The following ARHGAP39 variants were observed in gnomAD, a reference collection of about 807,000 sequenced individuals.
ARHGAP39 encodes rho GTPase-activating protein 39.
A neutral mutation model predicts 106.9 loss-of-function variants in ARHGAP39; 44 were observed. That is an observed-to-expected ratio of 0.41 (90% confidence interval 0.32 to 0.53). ARHGAP39 has a LOEUF of 0.53. Among genes scored for constraint, ARHGAP39 ranks in the 20% least tolerant of loss-of-function variants. The pLI is 0.21. For missense variants in ARHGAP39, 1,496 were observed against 1,577.3 expected, an observed-to-expected ratio of 0.95 and a Z score of 0.87; for synonymous variants, 768 against 693.2, an observed-to-expected ratio of 1.11 and a Z score of -1.69.
chr8:144,602,879 T>C (rs1820099719), intron 2 of ARHGAP39, among the ~76,000 whole-genome samples: 1 of 115,164 alleles, frequency 8.7e-6, no homozygotes, highest in Admixed American at 9.9e-5. Flanking sequence ...TGCATGTGTG[T>C]GGTGTGTGTG....
intron 1 of ARHGAP39, among the ~76,000 whole-genome samples, chr8:144,607,447 G>A (rs1820334813): frequency 1.3e-5 from 2 of 152,114 alleles, no homozygotes; most frequent in Admixed American, 6.6e-5. Context: ...GCTTATAGAA[G>A]CCACAGGGCC....
intron 3 of ARHGAP39, among the ~76,000 whole-genome samples, chr8:144,566,218 G>T (rs1402804951): frequency 6.6e-6 from 1 of 152,106 alleles, no homozygotes; most frequent in Non-Finnish European, 1.5e-5. Context: ...CGAAGAAAAT[G>T]ACATAAACCC....
At chr8:144,553,009 C>T (rs909532476) in intron 4 of ARHGAP39, among the ~76,000 whole-genome samples, 1 of 152,208 alleles carries the variant, frequency 6.6e-6, no homozygotes, top group African/African-American at 2.4e-5. Context: ...CTGCTCTCAG[C>T]CCCTGTGGGG....
At chr8:144,589,433 G>C (rs1819307536) in intron 2 of ARHGAP39, among the ~76,000 whole-genome samples, 1 of 152,184 alleles carries the variant, frequency 6.6e-6, no homozygotes. Context: ...GCAGCGGGAA[G>C]CCCCTCCTGG....
At chr8:144,569,130 G>A (rs1818501455) in intron 3 of ARHGAP39, among the ~76,000 whole-genome samples, 1 of 152,184 alleles carries the variant, frequency 6.6e-6, no homozygotes, top group African/African-American at 2.4e-5. Flanking sequence ...GAGATACCAT[G>A]CTAACATGAA....
intron 1 of ARHGAP39, among the ~76,000 whole-genome samples, chr8:144,663,884 G>A (rs1172970614): frequency 2.0e-5 from 3 of 152,140 alleles, no homozygotes; most frequent in African/African-American, 7.2e-5. Context: ...AACAAATGAG[G>A]AGCCAGGTGC....
chr8:144,596,173 C>A (rs576694825), intron 2 of ARHGAP39, among the ~76,000 whole-genome samples: 8 of 152,158 alleles, frequency 5.3e-5, no homozygotes, highest in Non-Finnish European at 1.0e-4. Flanking sequence ...CTGGCCACCC[C>A]GGCGCTGTCC....
chr8:144,540,248 T>C (rs1817132862), intron 6 of ARHGAP39, among the ~76,000 whole-genome samples: 1 of 152,126 alleles, frequency 6.6e-6, no homozygotes, highest in Non-Finnish European at 1.5e-5. Flanking sequence ...AAAATTACAT[T>C]AGCCAGGTGC....
chr8:144,632,514 G>A (rs1821087322), intron 1 of ARHGAP39, among the ~76,000 whole-genome samples: 4 of 152,228 alleles, frequency 2.6e-5, no homozygotes, highest in Admixed American at 2.6e-4. Context: ...CTGGCGAATC[G>A]AGGGGTACAG....
At chr8:144,643,958 C>T (rs1475615290) in intron 1 of ARHGAP39, among the ~76,000 whole-genome samples, 1 of 152,136 alleles carries the variant, frequency 6.6e-6, no homozygotes, top group Non-Finnish European at 1.5e-5. Context: ...AAAGTGTTGG[C>T]AAGAATGTGG....
At chr8:144,688,411 A>G (rs1420459106), upstream of ARHGAP39, among the ~76,000 whole-genome samples, 2 of 152,212 alleles carry the variant, frequency 1.3e-5, no homozygotes, top group South Asian at 2.1e-4. Context: ...GGCCAAGGAC[A>G]CTTAACTCTT....
chr8:144,684,937 C>A lies in ARHGAP39; in HGVS notation c.-82+749G>T, dbSNP rs186759025. Among the ~76,000 whole-genome samples the A allele has an allele frequency of 2.6e-5, 4 of 152,342 alleles. No individual in the cohort carries two copies. The East Asian group carries it at 7.7e-4, about 29-fold the overall frequency. On this transcript the variant is annotated intron_variant, in intron 1 of 11. Coordinates refer to ENST00000377307, the MANE Select transcript of ARHGAP39 (RefSeq NM_025251.3). This position sits in a 1 kb window ranked among gnomAD's most constrained non-coding sequence, Gnocchi z 4.4. ...AGCCCGAGGCTGCACCGCAGCGCACCGCAGCCCTGCACCCGGGCCGCCCTT... is the reference window on the plus strand; with the variant it reads ...AGCCCGAGGCTGCACCGCAGCGCACAGCAGCCCTGCACCCGGGCCGCCCTT...
rs141080619 is a variant in ARHGAP39, at chr8:144,619,306, C to G, written c.-81-13611G>C. Among the ~76,000 whole-genome samples, 278 of 152,392 alleles carry G rather than the reference C, an allele frequency of 1.8e-3. 1 individual carries two copies. The highest frequency in any genetic ancestry group is 2.7e-3 in the Non-Finnish European group (186 of 68,044). ...AGACCAGGGTGCCAGAGGCCCCTCG[C>G]TCCGAGAAGCGCGGGTCCCCATCCC... On this transcript the variant is annotated intron_variant, in intron 1 of 11. Transcript: ENST00000377307.
At chr8:144,685,366 C>T (rs1235613267) in intron 1 of ARHGAP39, among the ~76,000 whole-genome samples, 1 of 151,186 alleles carries the variant, frequency 6.6e-6, no homozygotes, top group Non-Finnish European at 1.5e-5. Flanking sequence ...GTCACACCCA[C>T]TTCGGGCCGG....
intron 1 of ARHGAP39, among the ~76,000 whole-genome samples, chr8:144,654,312 C>A (rs1163376866): frequency 6.6e-6 from 1 of 151,752 alleles, no homozygotes; most frequent in East Asian, 1.9e-4. Flanking sequence ...TGGGACCAGC[C>A]TGGGCAACAT....
At chr8:144,617,929 G>A (rs979790298) in intron 1 of ARHGAP39, among the ~76,000 whole-genome samples, 2 of 151,942 alleles carry the variant, frequency 1.3e-5, no homozygotes, top group East Asian at 1.9e-4. Context: ...CCACAGGTGC[G>A]AGCCACCACG....
chr8:144,575,270 A>G (rs1177112117), intron 3 of ARHGAP39, among the ~76,000 whole-genome samples: 1 of 152,152 alleles, frequency 6.6e-6, no homozygotes, highest in Non-Finnish European at 1.5e-5. Flanking sequence ...GGCCACACTC[A>G]ATTCATTTAA....
At chr8:144,546,009 G>T (rs770019796) in intron 5 of ARHGAP39, among the ~76,000 whole-genome samples, 199 bp from the exon 6 acceptor site, 1 of 152,196 alleles carries the variant, frequency 6.6e-6, no homozygotes, top group Admixed American at 6.5e-5. Context: ...CAGCTGGGAC[G>T]CCGGAGCCCT....
At chr8:144,610,838 A>G (rs1820466807) in intron 1 of ARHGAP39, among the ~76,000 whole-genome samples, 1 of 151,934 alleles carries the variant, frequency 6.6e-6, no homozygotes, top group Non-Finnish European at 1.5e-5. Flanking sequence ...GAGTTTTGAG[A>G]TGGAGTCTCA....
Sources: gnomAD v4.1 joint callset for allele counts (sites outside exome capture counted in the v4.1 genomes callset) on GRCh38, gnomAD v4.1.1 for gene constraint, Gnocchi (gnomAD v3.1) non-coding constraint, MANE v1.5 for transcripts, NCBI Gene and HGNC (gene_info 2026-07-23, HGNC 2026-07-21) for gene names.